CTNND2: variants seen among roughly 807,000 people sequenced by gnomAD.
CTNND2 encodes catenin delta-2.
A neutral mutation model predicts 144.4 loss-of-function variants in CTNND2; 22 were observed. That is an observed-to-expected ratio of 0.15 (90% CI 0.11 to 0.22). The LOEUF is 0.22. CTNND2 is among the 10% of genes least tolerant of loss of function. CTNND2 has a pLI of 1.00. For synonymous variants in CTNND2, 751 were observed against 695.6 expected, an observed-to-expected ratio of 1.08 and a Z score of -1.25; for missense variants, 1,353 against 1,618.8, an observed-to-expected ratio of 0.84 and a Z score of 2.82.
chr5:11,710,437 G>A (rs921903113), intron 2 of CTNND2, among the ~76,000 whole-genome samples: 4 of 151,882 alleles, frequency 2.6e-5, no homozygotes, highest in Admixed American at 2.6e-4. Context: ...CTACTTGGGA[G>A]GCTGAGGCAG....
intron 16 of CTNND2, among the ~76,000 whole-genome samples, chr5:11,054,942 G>C (rs949283608): frequency 3.3e-5 from 5 of 152,088 alleles, no homozygotes; most frequent in Admixed American, 6.6e-5. Context: ...GTTTGACTGA[G>C]AGCCTTAATG....
intron 2 of CTNND2, among the ~76,000 whole-genome samples, chr5:11,723,866 C>G (rs1489369281): frequency 6.6e-6 from 1 of 152,038 alleles, no homozygotes; most frequent in Non-Finnish European, 1.5e-5. Flanking sequence ...ACATTCCTGG[C>G]TAGCACAGTG....
At chr5:11,617,246 T>C (rs1193041911) in intron 2 of CTNND2, among the ~76,000 whole-genome samples, 1 of 152,212 alleles carries the variant, frequency 6.6e-6, no homozygotes, top group African/African-American at 2.4e-5. Flanking sequence ...ACGACACTGA[T>C]GTTGGCTTTG....
At chr5:11,101,992 C>T (rs775423823) in intron 14 of CTNND2, among the ~76,000 whole-genome samples, 6 of 151,066 alleles carry the variant, frequency 4.0e-5, no homozygotes, top group Admixed American at 6.6e-5. Context: ...AGAAATAGCA[C>T]GAAGACAGAG....
intron 11 of CTNND2, among the ~76,000 whole-genome samples, chr5:11,195,631 A>G (rs1019320136): frequency 1.3e-5 from 2 of 152,272 alleles, no homozygotes; most frequent in Non-Finnish European, 2.9e-5. Context: ...CTCCTGGAGA[A>G]GCAGAGCTCT....
At chr5:11,663,604 C>T (rs1432995083) in intron 2 of CTNND2, among the ~76,000 whole-genome samples, 1 of 152,018 alleles carries the variant, frequency 6.6e-6, no homozygotes, top group African/African-American at 2.4e-5. Context: ...ATTACCATCC[C>T]CAAATACTCT....
intron 2 of CTNND2, among the ~76,000 whole-genome samples, chr5:11,674,406 G>T (rs1321460036): frequency 1.3e-5 from 2 of 152,072 alleles, no homozygotes; most frequent in Non-Finnish European, 2.9e-5. Flanking sequence ...CTAAAAGGAA[G>T]GTACCATGAT....
chr5:11,292,527 G>A (rs553569608), intron 9 of CTNND2, among the ~76,000 whole-genome samples: 1 of 152,252 alleles, frequency 6.6e-6, no homozygotes, highest in South Asian at 2.1e-4. Flanking sequence ...CTGTTCTCAT[G>A]ATAGTGAGTG....
At chr5:11,689,931 G>A (rs1784818250) in intron 2 of CTNND2, among the ~76,000 whole-genome samples, 1 of 152,198 alleles carries the variant, frequency 6.6e-6, no homozygotes. Context: ...GACAGTAAAT[G>A]AGCAACATGA....
At chr5:11,654,732 T>C (rs1259692849) in intron 2 of CTNND2, among the ~76,000 whole-genome samples, 1 of 152,080 alleles carries the variant, frequency 6.6e-6, no homozygotes, top group African/African-American at 2.4e-5. Context: ...ATGTCTTTTG[T>C]TTCCTTCTCT....
At chr5:11,140,935 G>T (rs762713831) in intron 12 of CTNND2, among the ~76,000 whole-genome samples, 1 of 152,040 alleles carries the variant, frequency 6.6e-6, no homozygotes, top group Non-Finnish European at 1.5e-5. Flanking sequence ...TTGTCTGATT[G>T]CTTTAAAAAT....
At chr5:11,515,910 G>T (rs1340015271) in intron 3 of CTNND2, among the ~76,000 whole-genome samples, 1 of 151,964 alleles carries the variant, frequency 6.6e-6, no homozygotes, top group African/African-American at 2.4e-5. Context: ...AACCAGCCTG[G>T]GCAACATAGC....
rs61750709 is a variant in CTNND2 at position 11,345,737 on chromosome 5, A to T, written c.1628+635T>A. ...GGGACTCAAATCCAACTTTACAAGCAGAGCATTGCTAAACCCCTTGCCACT... is the reference window on the plus strand; with the variant it reads ...GGGACTCAAATCCAACTTTACAAGCTGAGCATTGCTAAACCCCTTGCCACT... On this transcript the variant is annotated intron_variant, in intron 9 of 21. Coordinates refer to ENST00000304623, the MANE Select transcript of CTNND2 (RefSeq NM_001332.4). Among the ~76,000 whole-genome samples, 333 of 152,188 alleles carry T rather than the reference A, an allele frequency of 2.2e-3. 9 individuals are homozygous for T. In the South Asian group the frequency reaches 0.041, roughly 19 times the overall value.
intron 1 of CTNND2, among the ~76,000 whole-genome samples, chr5:11,766,624 C>CT (rs1485052842): frequency 1.3e-5 from 2 of 152,070 alleles, no homozygotes; most frequent in Non-Finnish European, 2.9e-5. Context: ...CCAGTCTCAG[C>CT]TTTGTCTTTA....
At chr5:11,759,579 A>T (rs1789143700) in intron 1 of CTNND2, among the ~76,000 whole-genome samples, 1 of 152,246 alleles carries the variant, frequency 6.6e-6, no homozygotes, top group South Asian at 2.1e-4. Context: ...TCTGTCTTAG[A>T]TCAAAAAGCA....
intron 2 of CTNND2, among the ~76,000 whole-genome samples, chr5:11,611,606 C>A (rs1169882364): frequency 6.6e-6 from 1 of 151,914 alleles, no homozygotes; most frequent in African/African-American, 2.4e-5. Flanking sequence ...GGTGAAACCC[C>A]GACTCTAATA....
chr5:11,626,238 C>T (rs1168224309), intron 2 of CTNND2, among the ~76,000 whole-genome samples: 2 of 152,190 alleles, frequency 1.3e-5, no homozygotes, highest in Admixed American at 6.6e-5. Context: ...TGTCTACCTT[C>T]CCCTTAATGC....
At position 11,361,522 on chromosome 5, in the gene CTNND2, G is replaced by A. The variant is rs80146986; in HGVS notation, c.1372+3174C>T. 1.1e-3 allele frequency among the ~76,000 whole-genome samples: 166 copies of A among 152,236 alleles called. 1 individual carries two copies. The highest frequency in any genetic ancestry group is 3.8e-3 in the African/African-American group (159 of 41,534). ...CCTTCGCATATTACTCAACATCTCT[G>A]TGCCTCGGTTTTCTGATCCAAAAAG... is the stretch of plus-strand genomic sequence containing the variant. On this transcript the variant is annotated intron_variant, in intron 8 of 21. Coordinates refer to ENST00000304623, the MANE Select transcript of CTNND2 (RefSeq NM_001332.4).
At chr5:11,564,192 C>T (rs1776895739) in intron 3 of CTNND2, among the ~76,000 whole-genome samples, 1 of 152,138 alleles carries the variant, frequency 6.6e-6, no homozygotes. Context: ...GTTTATTTGC[C>T]ATAGCAGCCT....
Sources: allele counts gnomAD v4.1 joint callset (sites outside exome capture counted in the v4.1 genomes callset), GRCh38; gene constraint gnomAD v4.1.1; transcripts MANE v1.5; gene names NCBI Gene and HGNC (gene_info 2026-07-23, HGNC 2026-07-21).